The following SETD1B variants were observed in gnomAD, a reference collection of about 807,000 sequenced individuals.
The protein encoded by SETD1B is histone-lysine N-methyltransferase SETD1B.
A neutral mutation model predicts 148.0 loss-of-function variants in SETD1B; 7 were observed. That is an observed-to-expected ratio of 0.05 (90% CI 0.03 to 0.09). The LOEUF (loss-of-function observed/expected upper bound fraction) is 0.09, where lower values mean the gene tolerates loss of function less well. Ranked by LOEUF, SETD1B falls within the 10% of genes least tolerant of loss-of-function variation. The probability of loss-of-function intolerance (pLI) is 1.00; values close to 1 mark genes in which losing one functional copy is unlikely to be tolerated. For missense variants in SETD1B, 2,155 were observed against 2,729.9 expected (o/e 0.79, Z 4.69); for synonymous variants, 1,361 against 1,186.5 (o/e 1.15, Z -3.02).
rs1337883215 is a variant in SETD1B at position 121,817,186 on chromosome 12, A to C, written c.2869A>C (p.Ile957Leu). The stretch of plus-strand genomic sequence containing the variant: ...CCTGGGCATTGGGCTGCGTGGGGCC[A>C]TTCGCCTGCCCTCCTTCAAGGTCAA... ...LGLGIGLRGAIRLPSFKVKRK... is the reference protein window; with the variant it reads ...LGLGIGLRGALRLPSFKVKRK... The change falls in exon 8 of 17, where the codon ATT becomes CTT. Residue 957 changes from isoleucine (I) to leucine (L), a missense_variant. Coordinates refer to ENST00000604567, the MANE Select transcript of SETD1B (RefSeq NM_001353345.2). This position sits in a 1 kb window ranked among gnomAD's most constrained non-coding sequence, Gnocchi z 8.1. 1 of 1,550,244 alleles carries C rather than the reference A, an allele frequency of 6.5e-7. No individual in the cohort carries two copies. The highest frequency in any genetic ancestry group is 1.2e-5 in the South Asian group (1 of 84,064).
chr12:121,827,003 G>A (rs188144952), intron 13 of SETD1B, among the ~76,000 whole-genome samples: 9 of 152,172 alleles, frequency 5.9e-5, no homozygotes, highest in African/African-American at 1.7e-4. Context: ...CTTAGGATGG[G>A]GATCTCCGGC....
chr12:121,794,276 G>A, the SETD1B span: 1 of 152,348 alleles, frequency 6.6e-6, no homozygotes, highest in East Asian at 1.9e-4. Context: ...GGTTCGGGGT[G>A]AGGGACTGGG....
chr12:121,823,872 C>CA, intron 12 of SETD1B, 123 bp downstream of exon 12: 5 of 1,316,266 alleles, frequency 3.8e-6, no homozygotes, highest in Non-Finnish European at 5.1e-6. Flanking sequence ...CAGCATGCAC[C>CA]ACCGTCACTT....
chr12:121,791,784 A>G, the SETD1B span, among the ~76,000 whole-genome samples: 1 of 152,224 alleles, frequency 6.6e-6, no homozygotes, highest in African/African-American at 2.4e-5. Flanking sequence ...AGGAGGAGGA[A>G]AGAAAAAACC....
intron 7 of SETD1B, among the ~76,000 whole-genome samples, chr12:121,816,778 C>T (rs1166951295): frequency 6.6e-6 from 1 of 152,206 alleles, no homozygotes; most frequent in Non-Finnish European, 1.5e-5. Context: ...CTGCAAAGTG[C>T]AAAGGCCACT....
Position 121,817,348 on chromosome 12 carries a change from C to T in SETD1B, c.2978-22C>T. On this transcript the variant is annotated intron_variant, in intron 8 of 16. Coordinates refer to ENST00000604567, the MANE Select transcript of SETD1B (RefSeq NM_001353345.2). The surrounding 1 kb of genome is among the most constrained non-coding windows in gnomAD (Gnocchi z 8.1). The stretch of plus-strand genomic sequence containing the variant: ...TCTTCCGCATCCCCCCAGCCCAGCT[C>T]TGACTCCCTCCCTTCCTGCAGAGTC... The T allele has an allele frequency of 6.5e-7, 1 of 1,533,338 alleles. No homozygotes were observed. Among genetic ancestry groups the T allele is most frequent in the Non-Finnish European group, 8.8e-7 (1 of 1,136,270 alleles). The allele number at this position is 1,533,338 out of a possible 1,614,324, so 95.0% of individuals were successfully genotyped here. A position where few individuals can be genotyped will look rare whatever the true frequency, so the allele number is the denominator to read the frequency against.
In SETD1B at chr12:121,810,685, CGACGAG is replaced by C. The variant is rs1875990972; in HGVS notation, c.1749_1754del (p.Asp583_Glu584del). The C allele has an allele frequency of 6.4e-7, 1 of 1,550,546 alleles. No individual in the cohort carries two copies. The highest frequency in any genetic ancestry group is 2.0e-5 in the Admixed American group (1 of 50,974). ...TCAGCCCAACACCCCTCCCAGACTC[CGACGAG>C]GACGAGGAGCTCGACCTGGGCCTTG... On this transcript the variant is annotated inframe_deletion, in exon 6 of 17. Coordinates refer to ENST00000604567, the MANE Select transcript of SETD1B (RefSeq NM_001353345.2). This position sits in a 1 kb window ranked among gnomAD's most constrained non-coding sequence, Gnocchi z 7.6.
rs1452725057 is a variant in SETD1B, at chr12:121,823,162, C to G, written c.4583C>G (p.Ser1528Cys). ...GGCCGGCCCCGGCGATCCCCACCAT[C>G]TATGCTCTCCTTGGATGGGCCCTTG... The part of the protein sequence containing the change: ...KPGRPRRSPP[S>C]MLSLDGPLVR... The change falls in exon 12 of 17, where the codon TCT (serine) becomes TGT (cysteine). Residue 1528 changes from serine to cysteine, a missense_variant. Transcript: ENST00000604567. 2 of 1,544,750 alleles carry G rather than the reference C, an allele frequency of 1.3e-6. No individual in the cohort carries two copies. The highest frequency in any genetic ancestry group is 8.7e-7 in the Non-Finnish European group (1 of 1,146,638).
chr12:121,818,616 C>T (rs1274898522), intron 10 of SETD1B, among the ~76,000 whole-genome samples: 3 of 151,818 alleles, frequency 2.0e-5, no homozygotes, highest in Non-Finnish European at 2.9e-5. Flanking sequence ...TTTGGCTGGG[C>T]GCAGTGGCTC....
chr12:121,797,977 A>G, the SETD1B span: 1 of 232,512 alleles, frequency 4.3e-6, no homozygotes, highest in South Asian at 4.6e-5. Flanking sequence ...CGGGGATTGA[A>G]GACCCAGCCC....
At chr12:121,825,113 G>C in intron 12 of SETD1B, 87 bp from the exon 13 acceptor site, 3 of 1,358,618 alleles carry the variant, frequency 2.2e-6, no homozygotes, top group Non-Finnish European at 3.0e-6. Context: ...TGTCCCTGAA[G>C]GGTGGTCTGA....
Position 121,809,910 on chromosome 12 carries a change from A to G in SETD1B, c.965A>G (p.Asn322Ser), listed in dbSNP as rs941310116. The change falls in exon 6 of 17, where the codon AAC (asparagine) becomes AGC (serine). Residue 322 changes from asparagine to serine, a missense_variant. Physicochemically the swap from Asn to Ser is conservative, Grantham distance 46. This residue lies in a region of SETD1B where 376 missense variants were observed against 385.0 expected (regional missense o/e 0.98). Coordinates refer to ENST00000604567, the MANE Select transcript of SETD1B (RefSeq NM_001353345.2). ...GAGAGCAAGTTCACGGACGCCTACA[A>G]CCGCCGCCACGAACATCATTATGTA... Reference protein sequence around the residue: ...RHESKFTDAYNRRHEHHYVHN... With the variant: ...RHESKFTDAYSRRHEHHYVHN... The G allele has an allele frequency of 2.2e-5, 34 of 1,550,500 alleles. No homozygotes were observed. Among genetic ancestry groups the G allele is most frequent in the Non-Finnish European group, 2.8e-5 (32 of 1,146,920 alleles).
rs1876004679 is a variant in SETD1B at position 121,810,916 on chromosome 12, G to A, written c.1890+81G>A. ...CTTTCCCCCTTCAAGCATTTAGCATGACTAGCTAAGATGCGGAAGCAATGG... is the reference window on the plus strand; with the variant it reads ...CTTTCCCCCTTCAAGCATTTAGCATAACTAGCTAAGATGCGGAAGCAATGG... On this transcript the variant is annotated intron_variant, in intron 6 of 16. Coordinates refer to ENST00000604567, the MANE Select transcript of SETD1B (RefSeq NM_001353345.2). The surrounding 1 kb of genome is among the most constrained non-coding windows in gnomAD (Gnocchi z 7.6). 8 of 1,421,184 alleles carry A rather than the reference G, an allele frequency of 5.6e-6. No individual in the cohort carries two copies. The highest frequency in any genetic ancestry group is 7.4e-6 in the Non-Finnish European group (8 of 1,076,648). The allele number at this position is 1,421,184 out of a possible 1,614,324, so 88.0% of individuals were successfully genotyped here.
At chr12:121,820,695 G>A (rs1282844997) in intron 11 of SETD1B, among the ~76,000 whole-genome samples, 3 of 152,030 alleles carry the variant, frequency 2.0e-5, no homozygotes, top group African/African-American at 2.4e-5. Context: ...CACCACACCC[G>A]ACTAATTTTT....
upstream of SETD1B, chr12:121,799,731 T>TGGGGGGGGGGGGGGGGGGGGGGGGG (rs1308261766): frequency 6.3e-5 from 2 of 31,716 alleles, no homozygotes; most frequent in Admixed American, 3.0e-4. Flanking sequence ...GGGGGGGGGG[T>TGGGGGGGGGGGGGGGGGGGGGGGGG]GGGGTGGGGC....
In SETD1B at chr12:121,807,312, G is replaced by C. The variant is rs566732638; in HGVS notation, c.545-896G>C. ...CTAGCTTCTCAGTCTCTGGGGGTTG[G>C]GGGGGCAGTGAGGACCTTGGGTGGC... On this transcript the variant is annotated intron_variant, in intron 4 of 16. Transcript: ENST00000604567. Among the ~76,000 whole-genome samples the C allele has an allele frequency of 2.6e-4, 40 of 151,996 alleles. No individual in the cohort carries two copies. In the South Asian group the frequency reaches 8.1e-3, roughly 31 times the overall value.
Position 121,805,026 on chromosome 12 carries a change from C to A in SETD1B, c.175-92C>A, listed in dbSNP as rs924682171. 552 of 1,479,498 alleles carry A rather than the reference C, an allele frequency of 3.7e-4. No homozygotes were observed. Among genetic ancestry groups the A allele is most frequent in the Non-Finnish European group, 4.8e-4 (520 of 1,093,946 alleles). The allele number at this position is 1,479,498 out of a possible 1,614,324, so 91.6% of individuals were successfully genotyped here. On this transcript the variant is annotated intron_variant, in intron 2 of 16. Transcript: ENST00000604567. This position sits in a 1 kb window ranked among gnomAD's most constrained non-coding sequence, Gnocchi z 4.2. ...GGCCAACTGTCAGACGGGGCCCCAG[C>A]CCTGGAGTTTGACAAGTGCCTCGAG...
chr12:121,812,939 C>G (rs924180513), intron 6 of SETD1B, among the ~76,000 whole-genome samples: 2 of 152,078 alleles, frequency 1.3e-5, no homozygotes, highest in Non-Finnish European at 2.9e-5. Flanking sequence ...CAGACTCCAC[C>G]TCCACCCCCA....
chr12:121,810,189 C>G lies in SETD1B; in HGVS notation c.1244C>G (p.Thr415Ser). 1 of 1,549,764 alleles carries G rather than the reference C, an allele frequency of 6.5e-7. No individual in the cohort carries two copies. Among genetic ancestry groups the G allele is most frequent in the Non-Finnish European group, 8.7e-7 (1 of 1,146,826 alleles). ...TTCCCTCCACCCCCGGAAGAGCCCACCGCCACAGCCGCTTTTGGGGCCCGC... is the reference window on the plus strand; with the variant it reads ...TTCCCTCCACCCCCGGAAGAGCCCAGCGCCACAGCCGCTTTTGGGGCCCGC... ...AHFPPPPEEP[T>S]ATAAFGARDS... Residue 415 changes from threonine (T) to serine (S), a missense_variant, in exon 6 of 17, where the codon ACC (threonine) becomes AGC (serine). Transcript: ENST00000604567. The surrounding 1 kb of genome is among the most constrained non-coding windows in gnomAD (Gnocchi z 7.6).
Sources: allele counts gnomAD v4.1 joint callset (sites outside exome capture counted in the v4.1 genomes callset), GRCh38; gene constraint gnomAD v4.1.1; regional missense constraint gnomAD v4.1.1; non-coding constraint Gnocchi (gnomAD v3.1); transcripts MANE v1.5; gene names NCBI Gene and HGNC (gene_info 2026-07-23, HGNC 2026-07-21).